The following STK3 variants were observed in gnomAD, a reference collection of about 807,000 sequenced individuals.
STK3 encodes the protein serine/threonine kinase 3.
Under a neutral mutation model 58.0 loss-of-function variants are expected in STK3, and 41 were observed. The observed-to-expected ratio is 0.71, with a 90% confidence interval of 0.55 to 0.92. The LOEUF (loss-of-function observed/expected upper bound fraction) is 0.92, where lower values mean the gene tolerates loss of function less well. Among genes scored for constraint, STK3 ranks in the 40% least tolerant of loss-of-function variants. STK3 has a pLI of 0.00. For missense variants in STK3, 479 were observed against 602.7 expected (o/e 0.79, Z 2.15); for synonymous variants, 170 against 191.0 (o/e 0.89, Z 0.91).
chr8:98,700,638 A>G (rs1825506163), intron 6 of STK3, among the ~76,000 whole-genome samples: 1 of 152,212 alleles, frequency 6.6e-6, no homozygotes, highest in African/African-American at 2.4e-5. Flanking sequence ...TTTGACATAA[A>G]TCTTCCAAAA....
At chr8:98,620,792 A>C (rs1311352277) in intron 6 of STK3, among the ~76,000 whole-genome samples, 1 of 152,126 alleles carries the variant, frequency 6.6e-6, no homozygotes, top group Non-Finnish European at 1.5e-5. Context: ...ACCTCTTCCA[A>C]AATGACAAAA....
At chr8:98,601,967 A>G (rs1179488978) in intron 6 of STK3, among the ~76,000 whole-genome samples, 1 of 152,230 alleles carries the variant, frequency 6.6e-6, no homozygotes, top group Non-Finnish European at 1.5e-5. Flanking sequence ...GATTTAACTG[A>G]TCTGGGGTGA....
chr8:98,936,544 C>G (rs1452177882), intron 1 of STK3, among the ~76,000 whole-genome samples: 1 of 152,206 alleles, frequency 6.6e-6, no homozygotes, highest in East Asian at 1.9e-4. Context: ...GTTCTACAAA[C>G]CAATGCCCTT....
intron 1 of STK3, among the ~76,000 whole-genome samples, chr8:98,380,676 T>C (rs1039806614): frequency 3.9e-5 from 6 of 152,204 alleles, no homozygotes; most frequent in Non-Finnish European, 8.8e-5. Flanking sequence ...GTACCAGAAA[T>C]TGTAACTTTT....
intron 1 of STK3, 100 bp downstream of exon 1, chr8:98,825,415 G>C: frequency 8.8e-7 from 1 of 1,142,250 alleles, no homozygotes; most frequent in Non-Finnish European, 1.1e-6. Flanking sequence ...TCGGGGCCCG[G>C]CGGGCGGGGA....
At chr8:98,346,597 A>T in the STK3 span, among the ~76,000 whole-genome samples, 1 of 152,008 alleles carries the variant, frequency 6.6e-6, no homozygotes, top group African/African-American at 2.4e-5. Context: ...ATCCAGAGAT[A>T]AAAGACCACA....
intron 1 of STK3, among the ~76,000 whole-genome samples, chr8:98,926,536 A>C (rs1839804967): frequency 6.6e-6 from 1 of 152,176 alleles, no homozygotes; most frequent in African/African-American, 2.4e-5. Context: ...TTCAAGAGAA[A>C]GTAAAACAAT....
intron 10 of STK3, among the ~76,000 whole-genome samples, chr8:98,476,374 G>T (rs764841762): frequency 2.6e-5 from 4 of 152,072 alleles, no homozygotes; most frequent in Admixed American, 2.0e-4. Flanking sequence ...TAATTATCAG[G>T]ACTAATTAGA....
At chr8:98,484,206 T>G (rs972513976) in intron 10 of STK3, among the ~76,000 whole-genome samples, 1 of 148,078 alleles carries the variant, frequency 6.8e-6, no homozygotes, top group African/African-American at 2.5e-5. Context: ...GGAGGCCATT[T>G]AAACAAAGAA....
chr8:98,553,016 A>G (rs1377125980), intron 8 of STK3, among the ~76,000 whole-genome samples: 1 of 152,186 alleles, frequency 6.6e-6, no homozygotes, highest in Non-Finnish European at 1.5e-5. Context: ...AAGTGCTACA[A>G]GAAAAGTGTT....
intron 6 of STK3, among the ~76,000 whole-genome samples, chr8:98,609,458 G>C (rs1256656870): frequency 6.6e-6 from 1 of 151,946 alleles, no homozygotes; most frequent in Non-Finnish European, 1.5e-5. Flanking sequence ...CACTGCATTA[G>C]CTATAACAAT....
chr8:98,893,488 G>A lies in STK3; in HGVS notation c.-78-9654C>T, dbSNP rs200515983. Among the ~76,000 whole-genome samples the A allele has an allele frequency of 8.4e-3, 491 of 58,636 alleles. 1 individual carries two copies. Among genetic ancestry groups the A allele is most frequent in the Non-Finnish European group, 0.013 (335 of 26,262 alleles). The allele number at this position is 58,636 out of a possible 152,430, so 38.5% of individuals were successfully genotyped here. On this transcript the variant is annotated intron_variant, in intron 1 of 1. Coordinates refer to the STK3 transcript ENST00000519420. The stretch of plus-strand genomic sequence containing the variant: ...AAAGAAAGAAAGAAAGAAAGAAAGA[G>A]AAAGAAAGAAAGAAAGAAAGAAAGA...
intron 3 of STK3, among the ~76,000 whole-genome samples, chr8:98,851,744 TG>T (rs1836476985): frequency 6.6e-6 from 1 of 152,356 alleles, no homozygotes; most frequent in Admixed American, 6.5e-5. Context: ...GAGAATCGCT[TG>T]AGGCCAGGAG....
chr8:98,726,896 G>C (rs1827832864), intron 4 of STK3, among the ~76,000 whole-genome samples: 1 of 152,156 alleles, frequency 6.6e-6, no homozygotes, highest in Non-Finnish European at 1.5e-5. Context: ...GTCACCAGAT[G>C]TATCTTCCAC....
chr8:98,415,574 C>G (rs923641619), intron 3 of STK3, among the ~76,000 whole-genome samples: 2 of 152,190 alleles, frequency 1.3e-5, no homozygotes, highest in Non-Finnish European at 2.9e-5. Flanking sequence ...AACCACAATT[C>G]TTTGAGAAAT....
At chr8:98,553,069 C>T (rs1318203299) in intron 8 of STK3, among the ~76,000 whole-genome samples, 1 of 152,098 alleles carries the variant, frequency 6.6e-6, no homozygotes, top group Non-Finnish European at 1.5e-5. Flanking sequence ...TCTAACTCTG[C>T]CTTTAGAAAG....
At chr8:98,649,408 T>C (rs1820694221) in intron 6 of STK3, among the ~76,000 whole-genome samples, 1 of 152,300 alleles carries the variant, frequency 6.6e-6, no homozygotes, top group South Asian at 2.1e-4. Flanking sequence ...GGTTAGAAAC[T>C]TCTCCCAAGT....
chr8:98,441,299 C>T (rs553950202), intron 1 of STK3, among the ~76,000 whole-genome samples: 19 of 152,336 alleles, frequency 1.2e-4, no homozygotes, highest in African/African-American at 4.6e-4. Context: ...GCTTTTGCAG[C>T]TTGCTCTGTT....
intron 6 of STK3, among the ~76,000 whole-genome samples, chr8:98,600,395 A>G (rs912232031): frequency 3.9e-5 from 6 of 152,220 alleles, no homozygotes; most frequent in African/African-American, 1.4e-4. Flanking sequence ...AGATTAATAC[A>G]TGTAAAACAC....
Sources: gnomAD v4.1 joint callset for allele counts (sites outside exome capture counted in the v4.1 genomes callset) on GRCh38, gnomAD v4.1.1 for gene constraint, MANE v1.5 for transcripts, NCBI Gene and HGNC (gene_info 2026-07-23, HGNC 2026-07-21) for gene names.